PRKN: variants seen among roughly 807,000 people sequenced by gnomAD.
The protein encoded by PRKN is parkin RBR E3 ubiquitin protein ligase.
In PRKN, 56 loss-of-function variants were observed where a neutral mutation model predicts 59.5. The ratio of observed to expected loss-of-function variants is 0.94; its 90% CI spans 0.76 to 1.18. The LOEUF (loss-of-function observed/expected upper bound fraction) is 1.18, where lower values mean the gene tolerates loss of function less well. Ranked by LOEUF, PRKN falls within the 50% of genes most tolerant of loss-of-function variation. The pLI is 0.00. For missense variants in PRKN, 657 were observed against 596.4 expected (o/e 1.10, Z -1.06); for synonymous variants, 250 against 222.1 (o/e 1.13, Z -1.12).
chr6:161,844,799 G>A (rs550245555), intron 6 of PRKN, among the ~76,000 whole-genome samples: 3 of 152,346 alleles, frequency 2.0e-5, no homozygotes, highest in South Asian at 2.1e-4. Context: ...AGAATCACAC[G>A]CTTCGCTTCA....
intron 1 of PRKN, among the ~76,000 whole-genome samples, chr6:162,653,010 T>A (rs992118020): frequency 7.9e-5 from 12 of 152,210 alleles, no homozygotes; most frequent in Non-Finnish European, 1.2e-4. Flanking sequence ...CTCTATGTGA[T>A]AATTCAAAAC....
intron 6 of PRKN, among the ~76,000 whole-genome samples, chr6:161,830,000 G>C (rs2128218420): frequency 6.6e-6 from 1 of 152,280 alleles, no homozygotes; most frequent in South Asian, 2.1e-4. Flanking sequence ...TTGGTGCCCT[G>C]CTTCGGCTAC....
At chr6:162,704,539 T>C (rs947525521) in intron 1 of PRKN, among the ~76,000 whole-genome samples, 2 of 152,226 alleles carry the variant, frequency 1.3e-5, no homozygotes, top group African/African-American at 4.8e-5. Flanking sequence ...ATTTCACTGA[T>C]GCCTTAAAAT....
chr6:162,012,697 C>T (rs189367300), intron 5 of PRKN, among the ~76,000 whole-genome samples: 5 of 152,184 alleles, frequency 3.3e-5, no homozygotes, highest in South Asian at 2.1e-4. Context: ...CAAATTGAAC[C>T]GAGGACCACC....
chr6:161,985,123 T>C (rs1781389062), intron 5 of PRKN, among the ~76,000 whole-genome samples: 1 of 152,210 alleles, frequency 6.6e-6, no homozygotes, highest in Non-Finnish European at 1.5e-5. Context: ...TCGCAGTGAC[T>C]TATGCGATGT....
At chr6:162,526,832 C>T (rs762595486) in intron 1 of PRKN, among the ~76,000 whole-genome samples, 1 of 152,082 alleles carries the variant, frequency 6.6e-6, no homozygotes, top group Non-Finnish European at 1.5e-5. Flanking sequence ...AATAAAAAGT[C>T]TATCAAAGTG....
intron 9 of PRKN, among the ~76,000 whole-genome samples, chr6:161,482,122 A>T (rs1791431932): frequency 6.6e-6 from 1 of 152,240 alleles, no homozygotes; most frequent in African/African-American, 2.4e-5. Flanking sequence ...TAAAATTGTT[A>T]ACAAAATTTA....
chr6:162,359,079 A>AAAAAAAAAAATATATATAT (rs57265104), intron 2 of PRKN, among the ~76,000 whole-genome samples: 1 of 83,274 alleles, frequency 1.2e-5, no homozygotes, highest in African/African-American at 7.3e-5. Context: ...AAAAAAAAAA[A>AAAAAAAAAAATATATATAT]ATATATATAT....
intron 6 of PRKN, among the ~76,000 whole-genome samples, chr6:161,795,723 A>G (rs3019428): frequency 0.95 from 144,277 of 152,024 alleles, 68,528 homozygotes; most frequent in African/African-American, 0.98. Flanking sequence ...GGAAGATCTA[A>G]TAAGAGGCCA....
At chr6:162,691,010 T>A (rs1777753164) in intron 1 of PRKN, among the ~76,000 whole-genome samples, 1 of 152,158 alleles carries the variant, frequency 6.6e-6, no homozygotes. Flanking sequence ...AAATGGAATC[T>A]TTACTAGTAA....
intron 9 of PRKN, among the ~76,000 whole-genome samples, chr6:161,541,860 A>T (rs759063737): frequency 2.7e-4 from 41 of 152,146 alleles, no homozygotes; most frequent in Non-Finnish European, 5.4e-4. Flanking sequence ...TTTCATATTT[A>T]CCTTTATTTC....
intron 2 of PRKN, among the ~76,000 whole-genome samples, chr6:162,392,420 G>A (rs1787247343): frequency 6.6e-6 from 1 of 152,110 alleles, no homozygotes; most frequent in Non-Finnish European, 1.5e-5. Flanking sequence ...ACAAGCTGGT[G>A]CACCAGCTTG....
Position 161,593,286 on chromosome 6 carries a change from T to C in PRKN, c.872-23870A>G, listed in dbSNP as rs1340262080. Among the ~76,000 whole-genome samples, 5 of 152,242 alleles carry C rather than the reference T, an allele frequency of 3.3e-5. No homozygotes were observed. In the East Asian group the frequency reaches 9.7e-4, roughly 29 times the overall value. On this transcript the variant is annotated intron_variant, in intron 7 of 11. Transcript: ENST00000366898. This position sits in a 1 kb window ranked among gnomAD's most constrained non-coding sequence, Gnocchi z 4.8. ...CTTAGTCCTTACGGGCTGCTTTGAG[T>C]GTGAGGGCAGGGCTATTGATATTTT...
At chr6:162,660,286 A>G (rs1354328772) in intron 1 of PRKN, among the ~76,000 whole-genome samples, 3 of 152,166 alleles carry the variant, frequency 2.0e-5, no homozygotes, top group African/African-American at 4.8e-5. Context: ...TTCAATCACA[A>G]TTAGCTGGTT....
At chr6:161,431,591 C>T (rs891923620) in intron 9 of PRKN, among the ~76,000 whole-genome samples, 2 of 151,558 alleles carry the variant, frequency 1.3e-5, no homozygotes, top group Non-Finnish European at 2.9e-5. Context: ...TCTTTTCTTT[C>T]TTTCTTTCTT....
At chr6:162,193,558 T>C (rs966131425) in intron 4 of PRKN, among the ~76,000 whole-genome samples, 1 of 152,034 alleles carries the variant, frequency 6.6e-6, no homozygotes, top group African/African-American at 2.4e-5. Context: ...ATTGGAGGAG[T>C]CTTTGAGAGC....
At chr6:161,389,806 T>C (rs1403547288) in intron 9 of PRKN, among the ~76,000 whole-genome samples, 1 of 152,190 alleles carries the variant, frequency 6.6e-6, no homozygotes, top group Non-Finnish European at 1.5e-5. Flanking sequence ...AGCTCGTGGA[T>C]GAGATATAAA....
intron 2 of PRKN, among the ~76,000 whole-genome samples, chr6:162,398,798 A>G (rs1282575717): frequency 6.6e-6 from 1 of 152,200 alleles, no homozygotes; most frequent in Non-Finnish European, 1.5e-5. Flanking sequence ...ATGATGTGGC[A>G]AATGATACAT....
intron 9 of PRKN, among the ~76,000 whole-genome samples, chr6:161,465,541 T>C (rs1790423076): frequency 1.3e-5 from 2 of 152,088 alleles, no homozygotes; most frequent in Admixed American, 1.3e-4. Context: ...TATCATTCCA[T>C]TGTTTTCTGG....
Sources: allele counts gnomAD v4.1 joint callset (sites outside exome capture counted in the v4.1 genomes callset), GRCh38; gene constraint gnomAD v4.1.1; non-coding constraint Gnocchi (gnomAD v3.1); transcripts MANE v1.5; gene names NCBI Gene and HGNC (gene_info 2026-07-23, HGNC 2026-07-21).